The following GRAMD2B variants were observed in gnomAD, a reference collection of about 807,000 sequenced individuals.
GRAMD2B encodes the protein GRAM domain-containing protein 2B.
A neutral mutation model predicts 59.2 loss-of-function variants in GRAMD2B; 41 were observed. That is an observed-to-expected ratio of 0.69 (90% CI 0.54 to 0.90). The LOEUF is 0.90. Among genes scored for constraint, GRAMD2B ranks in the 40% least tolerant of loss-of-function variants. The pLI, the probability that GRAMD2B is intolerant of heterozygous loss-of-function variation, is 0.00. For synonymous variants in GRAMD2B, 161 were observed against 182.7 expected (o/e 0.88, Z 0.96); for missense variants, 424 against 500.5 (o/e 0.85, Z 1.46).
chr5:126,471,614 AT>A (rs1295848446), intron 3 of GRAMD2B, among the ~76,000 whole-genome samples: 1 of 152,200 alleles, frequency 6.6e-6, no homozygotes, highest in Non-Finnish European at 1.5e-5. Flanking sequence ...GGCTAAGGAA[AT>A]GCCTTCACAA....
chr5:126,469,833 C>A, intron 3 of GRAMD2B, 45 bp downstream of exon 3: 2 of 1,393,586 alleles, frequency 1.4e-6, no homozygotes, highest in African/African-American at 1.4e-5. Flanking sequence ...GGTGACAGGG[C>A]TACTGAAGCC....
chr5:126,450,577 G>A (rs797002028), intron 1 of GRAMD2B, among the ~76,000 whole-genome samples: 1 of 142,986 alleles, frequency 7.0e-6, no homozygotes, highest in Non-Finnish European at 1.5e-5. Flanking sequence ...TTTCTCACCC[G>A]TCACCTGGCC....
chr5:126,479,228 G>A (rs916933996), intron 6 of GRAMD2B, among the ~76,000 whole-genome samples: 2 of 151,744 alleles, frequency 1.3e-5, no homozygotes, highest in African/African-American at 4.8e-5. Context: ...CAATAGAGAT[G>A]GGGTCTTGCT....
intron 13 of GRAMD2B, among the ~76,000 whole-genome samples, chr5:126,490,635 C>G (rs1012618409): frequency 6.6e-5 from 10 of 152,184 alleles, no homozygotes; most frequent in Non-Finnish European, 8.8e-5. Context: ...GGTACCAGGC[C>G]ACACCCGTGC....
At chr5:126,465,724 C>T (rs9327408) in intron 2 of GRAMD2B, among the ~76,000 whole-genome samples, 179 bp downstream of exon 2, 49,744 of 152,070 alleles carry the variant, frequency 0.33, 8,493 homozygotes, top group East Asian at 0.5. Context: ...CTCCCTCCTG[C>T]CCCAGCCTTC....
At chr5:126,389,906 C>G (rs11948792) in intron 1 of GRAMD2B, among the ~76,000 whole-genome samples, 10,687 of 152,150 alleles carry the variant, frequency 0.07, 419 homozygotes, top group Middle Eastern at 0.13. Context: ...CAAGATCATG[C>G]CACTGCACTC....
chr5:126,471,785 A>G (rs1029660513), intron 3 of GRAMD2B, among the ~76,000 whole-genome samples: 1 of 152,206 alleles, frequency 6.6e-6, no homozygotes, highest in Admixed American at 6.5e-5. Flanking sequence ...TGACTAAGCC[A>G]TGGTCACACA....
At chr5:126,447,630 CTCCA>C (rs1764534319) in intron 1 of GRAMD2B, among the ~76,000 whole-genome samples, 1 of 149,326 alleles carries the variant, frequency 6.7e-6, no homozygotes, top group African/African-American at 2.5e-5. Flanking sequence ...TGCCACTGCA[CTCCA>C]GCCTGGGCGA....
intron 1 of GRAMD2B, among the ~76,000 whole-genome samples, chr5:126,397,552 A>G (rs750659141): frequency 2.6e-4 from 40 of 151,998 alleles, no homozygotes; most frequent in Non-Finnish European, 4.7e-4. Context: ...AGTTCCTTCT[A>G]TATATATTTT....
chr5:126,465,258 A>G (rs764663860), intron 1 of GRAMD2B, 168 bp from the exon 2 acceptor site: 5 of 1,454,352 alleles, frequency 3.4e-6, no homozygotes, highest in Non-Finnish European at 4.5e-6. Flanking sequence ...ACACCAGGCA[A>G]GGGGTTAGAA....
At position 126,493,101 on chromosome 5, in the gene GRAMD2B, C is replaced by G; in HGVS notation, c.*145C>G. 1 of 632,938 alleles carries G rather than the reference C, an allele frequency of 1.6e-6. No homozygotes were observed. 39.2% of individuals were successfully genotyped at this position (632,938 alleles called of 1,614,324 possible). A position where few individuals can be genotyped will look rare whatever the true frequency, so the allele number is the denominator to read the frequency against. On this transcript the variant is annotated 3_prime_UTR_variant, in exon 14 of 14. Coordinates refer to ENST00000285689, the MANE Select transcript of GRAMD2B (RefSeq NM_023927.4). Reference sequence around the variant, plus strand: ...ACATTGCATGTGGAGGTCTCCAGCTCAGGAAAGTGAGGAGGGAAATAATTT... The same window carrying G: ...ACATTGCATGTGGAGGTCTCCAGCTGAGGAAAGTGAGGAGGGAAATAATTT...
In GRAMD2B at chr5:126,460,105, G is replaced by T. The variant is rs147478007; in HGVS notation, c.84-5321G>T. Among the ~76,000 whole-genome samples, 548 of 152,134 alleles carry T rather than the reference G, an allele frequency of 3.6e-3. 3 individuals are homozygous for T. The highest frequency in any genetic ancestry group is 0.013 in the African/African-American group (526 of 41,484). On this transcript the variant is annotated intron_variant, in intron 1 of 13. Coordinates refer to ENST00000285689, the MANE Select transcript of GRAMD2B (RefSeq NM_023927.4). ...TAAAAAGTATGAGGAAGATCTATGG[G>T]TACTGAAAGAACACCAAGATAAAAT...
intron 1 of GRAMD2B, among the ~76,000 whole-genome samples, chr5:126,441,266 G>T (rs1453652466): frequency 6.6e-6 from 1 of 152,152 alleles, no homozygotes; most frequent in African/African-American, 2.4e-5. Context: ...ACAGCATGAA[G>T]ACAACTTTGT....
intron 1 of GRAMD2B, among the ~76,000 whole-genome samples, chr5:126,380,783 G>A (rs891582996): frequency 6.6e-6 from 1 of 152,190 alleles, no homozygotes; most frequent in African/African-American, 2.4e-5. Context: ...TCATTTATCT[G>A]TGTTAGGAGC....
upstream of GRAMD2B, among the ~76,000 whole-genome samples, chr5:126,368,212 T>A (rs1754557321): frequency 6.6e-6 from 1 of 152,194 alleles, no homozygotes; most frequent in South Asian, 2.1e-4. Context: ...ATTCCAGTTG[T>A]TTATCTTTGA....
At chr5:126,474,759 T>C (rs1272492713) in intron 5 of GRAMD2B, among the ~76,000 whole-genome samples, 1 of 152,234 alleles carries the variant, frequency 6.6e-6, no homozygotes, top group East Asian at 1.9e-4. Context: ...GGTTTTAAAG[T>C]TCTACTTCTA....
chr5:126,412,528 T>A (rs2149759782), intron 1 of GRAMD2B, among the ~76,000 whole-genome samples: 2 of 152,256 alleles, frequency 1.3e-5, no homozygotes, highest in Middle Eastern at 6.8e-3. Context: ...GTCTTAAAAA[T>A]TTTTGCATCT....
At chr5:126,387,850 T>C (rs1756317024) in intron 1 of GRAMD2B, among the ~76,000 whole-genome samples, 1 of 152,178 alleles carries the variant, frequency 6.6e-6, no homozygotes, top group Non-Finnish European at 1.5e-5. Context: ...TTCATTCTTT[T>C]GGCATTTAAA....
chr5:126,465,311 A>G, intron 1 of GRAMD2B, 115 bp from the exon 2 acceptor site: 2 of 1,561,258 alleles, frequency 1.3e-6, no homozygotes, highest in Non-Finnish European at 1.7e-6. Flanking sequence ...TAACTAGCCT[A>G]TCAGTGAGGA....
Sources: allele counts gnomAD v4.1 joint callset (sites outside exome capture counted in the v4.1 genomes callset), GRCh38; gene constraint gnomAD v4.1.1; transcripts MANE v1.5; gene names NCBI Gene and HGNC (gene_info 2026-07-23, HGNC 2026-07-21).